Variants in CTBP2 observed in about 807,000 individuals in gnomAD.
The protein encoded by CTBP2 is C-terminal binding protein 2.
Under a neutral mutation model 80.3 loss-of-function variants are expected in CTBP2, and 30 were observed. The ratio of observed to expected loss-of-function variants is 0.37; its 90% confidence interval spans 0.28 to 0.51. The LOEUF (loss-of-function observed/expected upper bound fraction) is 0.51. Ranked by LOEUF, CTBP2 falls within the 20% of genes least tolerant of loss-of-function variation. The pLI is 0.93. For missense variants in CTBP2, 1,212 were observed against 1,375.3 expected (o/e 0.88, Z 1.88); for synonymous variants, 594 against 587.4 (o/e 1.01, Z -0.16).
intron 2 of CTBP2, among the ~76,000 whole-genome samples, chr10:125,059,398 T>G (rs149781614): frequency 6.6e-6 from 1 of 151,906 alleles, no homozygotes; most frequent in Non-Finnish European, 1.5e-5. Flanking sequence ...CTGGCCAACA[T>G]AGCAAAACCC....
chr10:124,996,652 C>CA (rs955499645), intron 4 of CTBP2: 2 of 152,288 alleles, frequency 1.3e-5, no homozygotes, highest in Non-Finnish European at 2.9e-5. Context: ...GCCCCTGAAA[C>CA]AAGCACCTCC....
intron 1 of CTBP2, among the ~76,000 whole-genome samples, chr10:125,136,037 G>C (rs2136179069): frequency 6.6e-6 from 1 of 152,366 alleles, no homozygotes; most frequent in East Asian, 1.9e-4. Flanking sequence ...TTGTTCATTA[G>C]AGTCACCTGG....
intron 2 of CTBP2, among the ~76,000 whole-genome samples, chr10:125,078,275 G>A (rs1164901980): frequency 2.8e-4 from 30 of 105,922 alleles, no homozygotes; most frequent in Admixed American, 7.3e-4. Context: ...GCGAGACTCC[G>A]TCTCAAAAAA....
Position 125,151,214 on chromosome 10 carries a change from T to A in CTBP2, c.-206+9105A>T, listed in dbSNP as rs115025186. Among the ~76,000 whole-genome samples the A allele has an allele frequency of 8.2e-3, 1,255 of 152,192 alleles. 17 individuals are homozygous for A. Among genetic ancestry groups the A allele is most frequent in the African/African-American group, 0.029 (1,197 of 41,516 alleles). The stretch of plus-strand genomic sequence containing the variant: ...AGAGGCGAACACAGAAATTCCTCCA[T>A]GGAGAAGACGAGGGCAAGACGAAAC... On this transcript the variant is annotated intron_variant, in intron 1 of 10. Transcript: ENST00000337195.
intron 4 of CTBP2, chr10:124,997,401 G>A (rs772984489): frequency 3.8e-5 from 6 of 157,396 alleles, no homozygotes; most frequent in Non-Finnish European, 7.0e-5. Context: ...CCTTCTCCGT[G>A]GCACCGGCCC....
chr10:125,091,331 G>C (rs1342045008), intron 2 of CTBP2, among the ~76,000 whole-genome samples: 1 of 152,194 alleles, frequency 6.6e-6, no homozygotes, highest in Non-Finnish European at 1.5e-5. Flanking sequence ...TCCTGGTAAA[G>C]GCAAGGAGAA....
At chr10:124,993,144 C>T (rs773071217) in intron 7 of CTBP2, 58 bp downstream of exon 9, 84 of 1,560,460 alleles carry the variant, frequency 5.4e-5, no homozygotes, top group Middle Eastern at 4.8e-4. Flanking sequence ...GGACAGGAGC[C>T]GGCTGCACTG....
At chr10:125,119,164 G>A (rs1853883453) in intron 1 of CTBP2, among the ~76,000 whole-genome samples, 1 of 152,236 alleles carries the variant, frequency 6.6e-6, no homozygotes, top group African/African-American at 2.4e-5. Context: ...GGGCCAGAAG[G>A]TGAGCAGAGG....
chr10:125,086,934 AG>A (rs1462715648), intron 2 of CTBP2, among the ~76,000 whole-genome samples: 1 of 152,174 alleles, frequency 6.6e-6, no homozygotes, highest in Non-Finnish European at 1.5e-5. Context: ...GCGGATCCTG[AG>A]GAACAGTCCA....
chr10:125,077,238 G>C (rs1846405123), intron 2 of CTBP2, among the ~76,000 whole-genome samples: 1 of 152,206 alleles, frequency 6.6e-6, no homozygotes. Flanking sequence ...GCAGAGCTGT[G>C]AATGTAGGTT....
intron 2 of CTBP2, among the ~76,000 whole-genome samples, chr10:125,086,324 G>A (rs941669322): frequency 6.6e-6 from 1 of 152,148 alleles, no homozygotes; most frequent in African/African-American, 2.4e-5. Context: ...CTGAGGTCAG[G>A]AGTTCGAGAC....
chr10:125,036,236 G>A (rs1174342172), intron 3 of CTBP2, among the ~76,000 whole-genome samples: 1 of 152,160 alleles, frequency 6.6e-6, no homozygotes, highest in Non-Finnish European at 1.5e-5. Context: ...AGAAAACAGG[G>A]AAAGGTTGTA....
At position 125,027,412 on chromosome 10, in the gene CTBP2, T is replaced by C; in HGVS notation, c.348A>G (p.Gly116=). The stretch of plus-strand genomic sequence containing the variant: ...GAGGCTCTTTGGGTACCCTAGCAGC[T>C]CCAGACGGATCACTGTAGTACTCCC... The change falls in exon 1 of 9, where the codon GGA becomes GGG. Residue 116 remains glycine, a synonymous_variant. Transcript: ENST00000309035. 6.2e-7 allele frequency: 1 copy of C among 1,613,934 alleles called. No individual in the cohort carries two copies. Among genetic ancestry groups the C allele is most frequent in the Non-Finnish European group, 8.5e-7 (1 of 1,180,000 alleles).
chr10:125,005,715 T>C, intron 1 of CTBP2: 2 of 1,612,914 alleles, frequency 1.2e-6, no homozygotes, highest in South Asian at 2.2e-5. Flanking sequence ...AACTGCCAAA[T>C]TCCACAAGAT....
chr10:125,159,114 G>T (rs1861468903), intron 1 of CTBP2, among the ~76,000 whole-genome samples: 1 of 150,474 alleles, frequency 6.6e-6, no homozygotes, highest in Admixed American at 6.6e-5. Context: ...GCGAGGGAGA[G>T]AAAGAAAGGC....
chr10:125,040,376 A>C (rs1959298428), intron 2 of CTBP2, among the ~76,000 whole-genome samples: 1 of 148,880 alleles, frequency 6.7e-6, no homozygotes, highest in Non-Finnish European at 1.5e-5. Context: ...AATCACGTGA[A>C]TCTGGGAGGT....
At chr10:125,110,094 C>T (rs1852055395) in intron 2 of CTBP2, among the ~76,000 whole-genome samples, 1 of 152,162 alleles carries the variant, frequency 6.6e-6, no homozygotes, top group Non-Finnish European at 1.5e-5. Flanking sequence ...GGAAGCCAGG[C>T]CTGAGGGCCT....
intron 2 of CTBP2, among the ~76,000 whole-genome samples, chr10:125,058,359 T>TA (rs1324247446): frequency 2.6e-5 from 4 of 152,160 alleles, no homozygotes; most frequent in African/African-American, 9.7e-5. Flanking sequence ...CACCGTCCCA[T>TA]AAAGGTGCTC....
intron 1 of CTBP2, among the ~76,000 whole-genome samples, chr10:125,019,136 A>AG (rs1956804980): frequency 1.3e-5 from 2 of 152,098 alleles, no homozygotes; most frequent in Admixed American, 1.3e-4. Context: ...CTCCCACTGG[A>AG]GGGGGCAAGA....
Sources: allele counts gnomAD v4.1 joint callset (sites outside exome capture counted in the v4.1 genomes callset), GRCh38; gene constraint gnomAD v4.1.1; transcripts MANE v1.5; gene names NCBI Gene and HGNC (gene_info 2026-07-23, HGNC 2026-07-21).